TMEM223: variants seen among roughly 807,000 people sequenced by gnomAD.
TMEM223 encodes transmembrane protein 223.
In TMEM223, 14 loss-of-function variants were observed where a neutral mutation model predicts 14.1. That is an observed-to-expected ratio of 0.99 (90% CI 0.66 to 1.55). The LOEUF (loss-of-function observed/expected upper bound fraction) is 1.55. Among genes scored for constraint, TMEM223 ranks in the 40% most tolerant of loss-of-function variants. The pLI, the probability that TMEM223 is intolerant of heterozygous loss-of-function variation, is 0.00. For synonymous variants in TMEM223, 145 were observed against 120.5 expected (o/e 1.20, Z -1.33); for missense variants, 346 against 269.9 (o/e 1.28, Z -1.97).
At chr11:62,786,520 G>C, downstream of TMEM223, 5 of 1,554,636 alleles carry the variant, frequency 3.2e-6, no homozygotes, top group Non-Finnish European at 4.4e-6. Flanking sequence ...CTTACAGGTG[G>C]CGGTAGAGCG....
chr11:62,789,946 T>G, downstream of TMEM223: 2 of 1,614,074 alleles, frequency 1.2e-6, no homozygotes. Flanking sequence ...GGTCGTGCAG[T>G]GGAAGTCTGA....
rs2084347310 is a variant in TMEM223, at chr11:62,790,440, TG to T, written c.*182del. On this transcript the variant is annotated 3_prime_UTR_variant, in exon 2 of 2. Coordinates refer to ENST00000307366, the MANE Select transcript of TMEM223 (RefSeq NM_001080501.3). ...CCATTCTAAGATTGGCGTTTTTTTT[TG>T]TTTTTTTTTTTGTAAATAGAGACAA... 3 of 607,442 alleles carry T rather than the reference TG, an allele frequency of 4.9e-6. No homozygotes were observed. The highest frequency in any genetic ancestry group is 3.0e-5 in the East Asian group (1 of 33,760). The allele number at this position is 607,442 out of a possible 1,614,324, so 37.6% of individuals were successfully genotyped here.
rs958391443 is a variant in TMEM223, at chr11:62,778,709, G to C, written c.315-4044C>G. On this transcript the variant is annotated intron_variant, in intron 1 of 2. Coordinates refer to the TMEM223 transcript ENST00000528367. ...AGGTGTGCAGAGCCTAGATGGTCAG[G>C]GCTGAGCAGGCTCTAAGAGCAGTCT... The C allele has an allele frequency of 5.9e-6, 4 of 672,438 alleles. No homozygotes were observed. The East Asian group carries it at 1.1e-4, about 18-fold the overall frequency. 41.7% of individuals were successfully genotyped at this position (672,438 alleles called of 1,614,324 possible).
intron 2 of TMEM223, among the ~76,000 whole-genome samples, chr11:62,774,178 G>A (rs1338053655): frequency 2.0e-5 from 3 of 151,858 alleles, no homozygotes; most frequent in Middle Eastern, 3.2e-3. Context: ...CTGGGTTCAC[G>A]CCATTCTCCT....
intron 1 of TMEM223, chr11:62,781,630 G>A (rs2084230377): frequency 1.7e-5 from 6 of 353,624 alleles, no homozygotes; most frequent in Admixed American, 4.6e-5. Context: ...AGCCAAGATC[G>A]TGCCACTGGG....
chr11:62,783,495 A>C (rs1254734076), downstream of TMEM223, among the ~76,000 whole-genome samples: 1 of 151,070 alleles, frequency 6.6e-6, no homozygotes, highest in Non-Finnish European at 1.5e-5. Flanking sequence ...AAAAAAAAAA[A>C]GTTAGGTGTT....
At chr11:62,787,307 C>T (rs748715125), downstream of TMEM223, 12 of 1,529,966 alleles carry the variant, frequency 7.8e-6, no homozygotes, top group East Asian at 4.6e-5. Context: ...GTCAGTGGCC[C>T]CTTCGTTCCT....
intron 1 of TMEM223, among the ~76,000 whole-genome samples, chr11:62,774,819 C>T (rs1787724): frequency 0.025 from 3,697 of 148,390 alleles, 155 homozygotes; most frequent in African/African-American, 0.086. Flanking sequence ...CGTGGTGGCA[C>T]GTGCCTGTAA....
chr11:62,780,565 G>A (rs763099050), intron 1 of TMEM223, among the ~76,000 whole-genome samples: 6 of 151,154 alleles, frequency 4.0e-5, no homozygotes, highest in Admixed American at 6.6e-5. Context: ...ACGAAACTCC[G>A]TCTCAAAGAA....
rs1224699081 is a variant in TMEM223, at chr11:62,790,160, T to TG, written c.*462dup. The TG allele has an allele frequency of 3.8e-5, 26 of 681,626 alleles. No homozygotes were observed. The highest frequency in any genetic ancestry group is 4.8e-4 in the Middle Eastern group (1 of 2,094). 42.2% of individuals were successfully genotyped at this position (681,626 alleles called of 1,614,324 possible). On this transcript the variant is annotated 3_prime_UTR_variant, in exon 2 of 2. Coordinates refer to ENST00000307366, the MANE Select transcript of TMEM223 (RefSeq NM_001080501.3). ...TCTTAGTTTTCCTTTCGTTGGGGGG[T>TG]GGGGGGGAAACATAATGACAGGCCC...
At chr11:62,775,944 A>G in intron 1 of TMEM223, 1 of 1,581,522 alleles carries the variant, frequency 6.3e-7, no homozygotes, top group African/African-American at 1.4e-5. Flanking sequence ...CACTCCCCTC[A>G]CCCCCTGATA....
At chr11:62,787,467 G>A (rs1175568173), downstream of TMEM223, 3 of 1,576,034 alleles carry the variant, frequency 1.9e-6, no homozygotes, top group South Asian at 3.4e-5. Context: ...TCGAGCTTGC[G>A]CTCTTTGCTG....
chr11:62,787,308 C>A (rs563444016), downstream of TMEM223: 29 of 1,530,746 alleles, frequency 1.9e-5, no homozygotes, highest in East Asian at 6.5e-4. Flanking sequence ...TCAGTGGCCC[C>A]TTCGTTCCTT....
chr11:62,778,015 T>G, intron 1 of TMEM223: 2 of 1,614,196 alleles, frequency 1.2e-6, no homozygotes, highest in Non-Finnish European at 1.7e-6. Flanking sequence ...GCACTGCCCA[T>G]GCGCCCCGCC....
At position 62,790,611 on chromosome 11, in the gene TMEM223, G is replaced by C; in HGVS notation, c.*12C>G. 1 of 1,599,888 alleles carries C rather than the reference G, an allele frequency of 6.3e-7. No homozygotes were observed. The highest frequency in any genetic ancestry group is 1.1e-5 in the South Asian group (1 of 89,404). On this transcript the variant is annotated 3_prime_UTR_variant, in exon 2 of 2. Transcript: ENST00000307366. ...CTCCTCTTGGAGAGGTGAGTGACTT[G>C]AGGTCATTTCTTCACAAGCTCCGGT...
intron 1 of TMEM223, chr11:62,781,647 A>G: frequency 2.7e-6 from 1 of 367,162 alleles, no homozygotes; most frequent in African/African-American, 2.6e-5. Flanking sequence ...TGGGCGACAG[A>G]GCGAGACTCG....
intron 1 of TMEM223, 75 bp downstream of exon 1, chr11:62,791,604 T>A (rs1403520356): frequency 7.1e-7 from 1 of 1,413,974 alleles, no homozygotes; most frequent in Non-Finnish European, 9.3e-7. Context: ...AGTCCCTGAC[T>A]CTCCCTGCCT....
rs141797401 is a variant in TMEM223 at position 62,778,053 on chromosome 11, G to C, written c.315-3388C>G. ...GGAGGGTGAACTCTACTTTCCTGAG[G>C]ATCGAGAGGTGAACCTGGTGGAGCT... On this transcript the variant is annotated intron_variant, in intron 1 of 2. Coordinates refer to the TMEM223 transcript ENST00000528367. 63 of 1,613,986 alleles carry C rather than the reference G, an allele frequency of 3.9e-5. No homozygotes were observed. Among genetic ancestry groups the C allele is most frequent in the Non-Finnish European group, 5.1e-5 (60 of 1,180,018 alleles).
intron 1 of TMEM223, chr11:62,782,093 C>G (rs2084234180): frequency 6.3e-7 from 1 of 1,593,832 alleles, no homozygotes; most frequent in Non-Finnish European, 8.6e-7. Flanking sequence ...TCCCTGTAAG[C>G]TACCCTCTTC....
Sources: allele counts gnomAD v4.1 joint callset (sites outside exome capture counted in the v4.1 genomes callset), GRCh38; gene constraint gnomAD v4.1.1; transcripts MANE v1.5; gene names NCBI Gene and HGNC (gene_info 2026-07-23, HGNC 2026-07-21).